The following NTF3 variants were observed in gnomAD, a reference collection of about 807,000 sequenced individuals.
NTF3 encodes neurotrophin 3, also known as neurotrophin-3.
A neutral mutation model predicts 26.3 loss-of-function variants in NTF3; 8 were observed. The observed-to-expected ratio is 0.30, with a 90% CI of 0.18 to 0.55. The LOEUF (loss-of-function observed/expected upper bound fraction) is 0.55, where lower values mean the gene tolerates loss of function less well. Ranked by LOEUF, NTF3 falls within the 20% of genes least tolerant of loss-of-function variation. The pLI is 0.93. For synonymous variants in NTF3, 154 were observed against 145.5 expected, an observed-to-expected ratio of 1.06 and a Z score of -0.42; for missense variants, 276 against 352.9, an observed-to-expected ratio of 0.78 and a Z score of 1.75.
At chr12:5,484,560 G>T (rs2121242429) in intron 1 of NTF3, among the ~76,000 whole-genome samples, 1 of 152,160 alleles carries the variant, frequency 6.6e-6, no homozygotes, top group South Asian at 2.1e-4. Flanking sequence ...TTTAGCAGAA[G>T]GATTCCTTAG....
intron 1 of NTF3, among the ~76,000 whole-genome samples, chr12:5,490,844 A>T (rs1940927279): frequency 6.6e-6 from 1 of 152,196 alleles, no homozygotes; most frequent in South Asian, 2.1e-4. Flanking sequence ...CCGTGTTGGT[A>T]AAGATTGCTG....
chr12:5,471,776 C>A (rs1940669317), intron 1 of NTF3, among the ~76,000 whole-genome samples: 1 of 152,046 alleles, frequency 6.6e-6, no homozygotes, highest in Non-Finnish European at 1.5e-5. Context: ...TCGTGCATAT[C>A]TGTCTCCCAG....
In NTF3 at chr12:5,495,050, TA is replaced by T. The variant is rs1940992080; in HGVS notation, c.*65del. Reference sequence around the variant, plus strand: ...AATTATATGATATGCATGTAGCATATAAATGTTTATATTGTTTTTATATATT... The same window carrying T: ...AATTATATGATATGCATGTAGCATATAATGTTTATATTGTTTTTATATATT... On this transcript the variant is annotated 3_prime_UTR_variant, in exon 2 of 2. Coordinates refer to ENST00000423158, the MANE Select transcript of NTF3 (RefSeq NM_001102654.2). The T allele has an allele frequency of 3.4e-6, 5 of 1,454,100 alleles. No homozygotes were observed. In the South Asian group the frequency reaches 6.3e-5, roughly 18 times the overall value. The allele number at this position is 1,454,100 out of a possible 1,614,324, so 90.1% of individuals were successfully genotyped here.
intron 1 of NTF3, among the ~76,000 whole-genome samples, chr12:5,493,273 G>A (rs866540990): frequency 6.6e-6 from 1 of 152,240 alleles, no homozygotes; most frequent in African/African-American, 2.4e-5. Context: ...ATGAGAGCGT[G>A]GATGGGTTGA....
chr12:5,458,623 A>G (rs1940484361), intron 1 of NTF3, among the ~76,000 whole-genome samples: 1 of 152,236 alleles, frequency 6.6e-6, no homozygotes, highest in African/African-American at 2.4e-5. Flanking sequence ...GATTAAGGAA[A>G]AAACTTCCTT....
chr12:5,481,065 G>A (rs918066541), intron 1 of NTF3, among the ~76,000 whole-genome samples: 1 of 152,094 alleles, frequency 6.6e-6, no homozygotes. Context: ...GACCCGCAGA[G>A]CTGGCTCGCT....
chr12:5,454,554 G>C (rs1940413513), intron 1 of NTF3, among the ~76,000 whole-genome samples: 1 of 152,242 alleles, frequency 6.6e-6, no homozygotes, highest in Admixed American at 6.5e-5. Context: ...AGGGTGAGCT[G>C]TGTGCTAACA....
rs538649363 is a variant in NTF3, at chr12:5,484,152, G to A, written c.19-10042G>A. ...TGTGACTGTGGATGAGCAGCGTAGG[G>A]CTGGTCATCTGGAGGGCTGGGCTTG... On this transcript the variant is annotated intron_variant, in intron 1 of 1. Coordinates refer to ENST00000423158, the MANE Select transcript of NTF3 (RefSeq NM_001102654.2). 1.8e-4 allele frequency among the ~76,000 whole-genome samples: 27 copies of A among 152,304 alleles called. No individual in the cohort carries two copies. The East Asian group carries it at 5.0e-3, about 28-fold the overall frequency.
At chr12:5,489,208 A>G (rs766174235) in intron 1 of NTF3, among the ~76,000 whole-genome samples, 2 of 152,202 alleles carry the variant, frequency 1.3e-5, no homozygotes, top group African/African-American at 2.4e-5. Flanking sequence ...ATGCTTTCAT[A>G]GGGAATACAG....
chr12:5,457,743 G>GC (rs1420911158), intron 1 of NTF3, among the ~76,000 whole-genome samples: 2 of 152,098 alleles, frequency 1.3e-5, no homozygotes, highest in East Asian at 3.9e-4. Context: ...CTCCTTTTGT[G>GC]CCCCAAACTT....
At chr12:5,438,997 C>T (rs886963698) in intron 1 of NTF3, among the ~76,000 whole-genome samples, 6 of 152,166 alleles carry the variant, frequency 3.9e-5, no homozygotes, top group African/African-American at 1.2e-4. Context: ...GGCAGAAAAG[C>T]GTGCAAAAAA....
rs547929204 is a variant in NTF3 at position 5,494,523 on chromosome 12, G to C, written c.348G>C (p.Arg116=). ...AACAGAGACGCTACAACTCACCGCG[G>C]GTCCTGCTGAGCGACAGCACCCCCT... The part of the protein sequence containing the change: ...LRQQRRYNSP[R]VLLSDSTPLE... Residue 116 remains arginine, a synonymous_variant, in exon 2 of 2, where the codon CGG becomes CGC. Transcript: ENST00000423158. The surrounding 1 kb of genome is among the most constrained non-coding windows in gnomAD (Gnocchi z 8.3). The C allele has an allele frequency of 1.6e-5, 26 of 1,614,000 alleles. No individual in the cohort carries two copies. Among genetic ancestry groups the C allele is most frequent in the Non-Finnish European group, 2.1e-5 (25 of 1,180,016 alleles).
chr12:5,479,310 G>GCAGC (rs1468028960), intron 1 of NTF3, among the ~76,000 whole-genome samples: 1 of 152,200 alleles, frequency 6.6e-6, no homozygotes, highest in Non-Finnish European at 1.5e-5. Flanking sequence ...GGACATTCTT[G>GCAGC]CAGCCAGAGG....
intron 1 of NTF3, among the ~76,000 whole-genome samples, chr12:5,481,240 G>C (rs1940788472): frequency 6.6e-6 from 1 of 152,002 alleles, no homozygotes; most frequent in Non-Finnish European, 1.5e-5. Flanking sequence ...AAACAGACTT[G>C]CCCAGGGACT....
intron 1 of NTF3, among the ~76,000 whole-genome samples, chr12:5,489,444 A>T (rs984738355): frequency 5.3e-5 from 8 of 152,090 alleles, no homozygotes; most frequent in African/African-American, 1.7e-4. Context: ...AGAAGGTGCA[A>T]ATCCTGACTC....
At chr12:5,490,576 G>A (rs1421542244) in intron 1 of NTF3, among the ~76,000 whole-genome samples, 1 of 152,054 alleles carries the variant, frequency 6.6e-6, no homozygotes, top group African/African-American at 2.4e-5. Flanking sequence ...TGGCCCACTG[G>A]GGGACTCCCA....
chr12:5,477,231 C>T (rs1258459101), intron 1 of NTF3, among the ~76,000 whole-genome samples: 1 of 152,156 alleles, frequency 6.6e-6, no homozygotes, highest in Non-Finnish European at 1.5e-5. Context: ...GGTTTGAATC[C>T]CAGCTCCGCT....
At chr12:5,465,376 G>A (rs1245739794) in intron 1 of NTF3, among the ~76,000 whole-genome samples, 1 of 152,220 alleles carries the variant, frequency 6.6e-6, no homozygotes, top group East Asian at 1.9e-4. Context: ...GGATTCTCAG[G>A]TAGTAACACC....
At chr12:5,458,293 C>T (rs1940478459) in intron 1 of NTF3, among the ~76,000 whole-genome samples, 1 of 152,200 alleles carries the variant, frequency 6.6e-6, no homozygotes, top group South Asian at 2.1e-4. Flanking sequence ...GCCACTTGAG[C>T]ATGACCGCCT....
Sources: gnomAD v4.1 joint callset for allele counts (sites outside exome capture counted in the v4.1 genomes callset) on GRCh38, gnomAD v4.1.1 for gene constraint, Gnocchi (gnomAD v3.1) non-coding constraint, MANE v1.5 for transcripts, NCBI Gene and HGNC (gene_info 2026-07-23, HGNC 2026-07-21) for gene names.